Variants in LTBP4 observed in about 807,000 individuals in gnomAD.
LTBP4 encodes the protein latent-transforming growth factor beta-binding protein 4.
LTBP4 carries 93 observed loss-of-function variants against 180.2 expected under a neutral mutation model. The observed-to-expected ratio is 0.52, with a 90% confidence interval of 0.44 to 0.61. The LOEUF (loss-of-function observed/expected upper bound fraction) is 0.61, where lower values mean the gene tolerates loss of function less well. Ranked by LOEUF, LTBP4 falls within the 20% of genes least tolerant of loss-of-function variation. The pLI is 0.00. For missense variants in LTBP4, 2,116 were observed against 2,256.5 expected (o/e 0.94, Z 1.26); for synonymous variants, 947 against 934.5 (o/e 1.01, Z -0.24).
At chr19:40,599,470 G>T (rs558525573), upstream of LTBP4, 2 of 1,613,776 alleles carry the variant, frequency 1.2e-6, no homozygotes, top group South Asian at 1.1e-5. Context: ...CAGGCCCCCA[G>T]CGGTGCCTGA....
At chr19:40,620,767 CA>C (rs57662483) in intron 22 of LTBP4, among the ~76,000 whole-genome samples, 21,603 of 100,330 alleles carry the variant, frequency 0.22, 1,122 homozygotes, top group South Asian at 0.33. Context: ...GACTCCGTCC[CA>C]AAAAAAAAAA....
At position 40,606,308 on chromosome 19, in the gene LTBP4, G is replaced by T. The variant is rs1168531173; in HGVS notation, c.868+1G>T. The T allele has an allele frequency of 6.2e-7, 1 of 1,601,608 alleles. No individual in the cohort carries two copies. On this transcript the variant is annotated splice_donor_variant, in intron 5 of 29. Transcript: ENST00000396819. LOFTEE classifies it high-confidence loss of function. ...GAAAGAGTTAATGGGTCCTGCGAAG[G>T]TGCAACGGGGCAGGGGTGGGAGGGG...
At chr19:40,597,190 G>A (rs1294545506), upstream of LTBP4, 56 of 1,410,946 alleles carry the variant, frequency 4.0e-5, no homozygotes, top group Non-Finnish European at 5.0e-5. Flanking sequence ...AGCCTGACCC[G>A]CTGGACAGAC....
In LTBP4 at chr19:40,613,236, G is replaced by A; in HGVS notation, c.2431+40G>A. 2.6e-6 allele frequency: 4 copies of A among 1,548,900 alleles called. No homozygotes were observed. The highest frequency in any genetic ancestry group is 2.6e-6 in the Non-Finnish European group (3 of 1,144,234). On this transcript the variant is annotated intron_variant, in intron 16 of 29. Coordinates refer to ENST00000396819, the MANE Select transcript of LTBP4 (RefSeq NM_001042545.2). This position sits in a 1 kb window ranked among gnomAD's most constrained non-coding sequence, Gnocchi z 5.0. ...GACCCGCCAGAGAGTCTGGGAGTAG[G>A]GCCTGGGTTCCAGGGCAAAGCCGGC...
At chr19:40,600,161 C>T (rs927231701), upstream of LTBP4, 1 of 1,255,120 alleles carries the variant, frequency 8.0e-7, no homozygotes, top group Non-Finnish European at 1.0e-6. The surrounding 1 kb of genome is among the most constrained non-coding windows in gnomAD (Gnocchi z 4.4). Context: ...AGCGTGCCCC[C>T]GCTGGCAAGG....
At position 40,622,451 on chromosome 19, in the gene LTBP4, G is replaced by A. The variant is rs372105249; in HGVS notation, c.3268G>A (p.Ala1090Thr). Reference sequence around the variant, plus strand: ...GGCACCTGCTAGCCCCGTTCTGCCCGCCAGGCCACCTCCGCCACCCCTGCC... The same window carrying A: ...GGCACCTGCTAGCCCCGTTCTGCCCACCAGGCCACCTCCGCCACCCCTGCC... ...PQAPASPVLPARPPPPPLPRR... is the reference protein window; with the variant it reads ...PQAPASPVLPTRPPPPPLPRR... Residue 1090 changes from alanine (A) to threonine (T), a missense_variant, in exon 23 of 30, where the codon GCC becomes ACC. By Grantham distance (58) the Ala-to-Thr change is moderately conservative. Coordinates refer to ENST00000396819, the MANE Select transcript of LTBP4 (RefSeq NM_001042545.2). This position sits in a 1 kb window ranked among gnomAD's most constrained non-coding sequence, Gnocchi z 5.1. The A allele has an allele frequency of 1.5e-4, 246 of 1,596,794 alleles. No individual in the cohort carries two copies. Among genetic ancestry groups the A allele is most frequent in the Non-Finnish European group, 1.8e-4 (214 of 1,170,530 alleles).
At chr19:40,628,034 C>A (rs922621048) in intron 29 of LTBP4, among the ~76,000 whole-genome samples, 177 bp downstream of exon 29, 2 of 152,186 alleles carry the variant, frequency 1.3e-5, no homozygotes, top group Non-Finnish European at 2.9e-5. Context: ...CTGAAGAAGG[C>A]GGAGTCAGGG....
chr19:40,615,104 C>G (rs1319222817), intron 19 of LTBP4, among the ~76,000 whole-genome samples: 5 of 151,260 alleles, frequency 3.3e-5, no homozygotes, highest in Non-Finnish European at 1.5e-5. Flanking sequence ...TTCCCTCCCG[C>G]CCCGCTCTTT....
Position 40,607,350 on chromosome 19 carries a change from C to T in LTBP4, c.992-15C>T, listed in dbSNP as rs374059113. 1 of 1,569,724 alleles carries T rather than the reference C, an allele frequency of 6.4e-7. No homozygotes were observed. The highest frequency in any genetic ancestry group is 8.7e-7 in the Non-Finnish European group (1 of 1,152,594). On this transcript the variant is annotated splice_polypyrimidine_tract_variant and intron_variant, in intron 6 of 29. Transcript: ENST00000396819. ...CCAGCCCCGCCCTGAAGGATTTCCT[C>T]CCTGCTCCTCGCAGCCCAACACGTG... is the stretch of plus-strand genomic sequence containing the variant.
At chr19:40,628,304 G>T (rs970178725) in intron 29 of LTBP4, among the ~76,000 whole-genome samples, 3 of 152,212 alleles carry the variant, frequency 2.0e-5, no homozygotes, top group Non-Finnish European at 4.4e-5. Context: ...ACTTTGGGAG[G>T]CCGAGGCGGG....
At position 40,627,447 on chromosome 19, in the gene LTBP4, G is replaced by A. The variant is rs1032557540; in HGVS notation, c.4366+92G>A. On this transcript the variant is annotated intron_variant, in intron 28 of 29. Coordinates refer to ENST00000396819, the MANE Select transcript of LTBP4 (RefSeq NM_001042545.2). ...GGAAACAGAAGGCGGGAGGAGAGACGGAACACAGGTGCAACTGGAGAGAGC... is the reference window on the plus strand; with the variant it reads ...GGAAACAGAAGGCGGGAGGAGAGACAGAACACAGGTGCAACTGGAGAGAGC... 7.1e-6 allele frequency: 10 copies of A among 1,411,120 alleles called. No individual in the cohort carries two copies. The African/African-American group carries it at 1.2e-4, about 16-fold the overall frequency. The allele number at this position is 1,411,120 out of a possible 1,614,324, so 87.4% of individuals were successfully genotyped here.
chr19:40,604,456 G>A (rs2081444738), intron 1 of LTBP4, among the ~76,000 whole-genome samples: 1 of 152,178 alleles, frequency 6.6e-6, no homozygotes, highest in South Asian at 2.1e-4. Context: ...GGTTCCGTCG[G>A]ACTACGGAAT....
rs572892689 is a variant in LTBP4 at position 40,602,727 on chromosome 19, C to T, written c.250+1090C>T. 2.6e-5 allele frequency among the ~76,000 whole-genome samples: 4 copies of T among 152,320 alleles called. No individual in the cohort carries two copies. The East Asian group carries it at 7.7e-4, about 29-fold the overall frequency. On this transcript the variant is annotated intron_variant, in intron 1 of 29. Coordinates refer to ENST00000396819, the MANE Select transcript of LTBP4 (RefSeq NM_001042545.2). ...CTCAAAGGGACCCCTATGTCCTCAA[C>T]TCCCCGCTTGGCCAGGGCTGTGGGG...
At position 40,605,573 on chromosome 19, in the gene LTBP4, C is replaced by T. The variant is rs1287077723; in HGVS notation, c.611C>T (p.Ala204Val). 4 of 1,604,312 alleles carry T rather than the reference C, an allele frequency of 2.5e-6. No homozygotes were observed. The highest frequency in any genetic ancestry group is 3.4e-6 in the Non-Finnish European group (4 of 1,176,088). ...GCGGCAGCGCCCTACACGGTGTTGG[C>T]ACAGAGCGCGCCGCGGGAGGACGGC... ...AEAAAPYTVLAQSAPREDGYS... is the reference protein window; with the variant it reads ...AEAAAPYTVLVQSAPREDGYS... The change falls in exon 3 of 30, where the codon GCA becomes GTA. Residue 204 changes from alanine (A) to valine (V), a missense_variant. This residue lies in a region of LTBP4 where 469 missense variants were observed against 532.5 expected (regional missense o/e 0.88). Transcript: ENST00000396819. The surrounding 1 kb of genome is among the most constrained non-coding windows in gnomAD (Gnocchi z 5.5).
At chr19:40,600,233 AG>A (rs1002700157), upstream of LTBP4, 29 of 1,072,600 alleles carry the variant, frequency 2.7e-5, no homozygotes, top group East Asian at 5.8e-4. The surrounding 1 kb of genome is among the most constrained non-coding windows in gnomAD (Gnocchi z 4.4). Context: ...GGCCAGATAA[AG>A]CCGTCTGGTT....
chr19:40,613,651 A>C lies in LTBP4; in HGVS notation c.2557+122A>C. On this transcript the variant is annotated intron_variant, in intron 17 of 29. Transcript: ENST00000396819. This position sits in a 1 kb window ranked among gnomAD's most constrained non-coding sequence, Gnocchi z 5.0. ...TTAGCCGGGGTATTCCAGCAGGATC[A>C]GGGGGCAGCTGGTGGGAGTCTCGAG... The C allele has an allele frequency of 7.0e-7, 1 of 1,437,590 alleles. No individual in the cohort carries two copies. Among genetic ancestry groups the C allele is most frequent in the Admixed American group, 2.0e-5 (1 of 50,428 alleles). The allele number at this position is 1,437,590 out of a possible 1,614,324, so 89.1% of individuals were successfully genotyped here. A position where few individuals can be genotyped will look rare whatever the true frequency, so the allele number is the denominator to read the frequency against.
intron 26 of LTBP4, among the ~76,000 whole-genome samples, chr19:40,625,316 A>ATATATTTT (rs1568414647): frequency 1.4e-4 from 3 of 21,938 alleles, no homozygotes; most frequent in Non-Finnish European, 2.4e-4. Flanking sequence ...ATATATATAT[A>ATATATTTT]TTTTTTTTTT....
chr19:40,607,659 C>G lies in LTBP4; in HGVS notation c.1156+130C>G. 2.9e-6 allele frequency: 3 copies of G among 1,018,600 alleles called. No individual in the cohort carries two copies. In the South Asian group the frequency reaches 5.0e-5, roughly 17 times the overall value. The allele number at this position is 1,018,600 out of a possible 1,614,324, so 63.1% of individuals were successfully genotyped here. ...GCTCCAGCCTTGGCCACGCAGCAGC[C>G]TCTGAGACCCGCAGGCCTCAGACTG... On this transcript the variant is annotated intron_variant, in intron 7 of 29. Coordinates refer to ENST00000396819, the MANE Select transcript of LTBP4 (RefSeq NM_001042545.2).
chr19:40,615,126 G>T (rs2081538006), intron 19 of LTBP4, among the ~76,000 whole-genome samples: 1 of 149,378 alleles, frequency 6.7e-6, no homozygotes, highest in Non-Finnish European at 1.5e-5. Flanking sequence ...ACCCCTCCCG[G>T]GTCAGGCTCC....
Sources: gnomAD v4.1 joint callset for allele counts (sites outside exome capture counted in the v4.1 genomes callset) on GRCh38, gnomAD v4.1.1 for gene constraint, gnomAD v4.1.1 regional missense constraint, Gnocchi (gnomAD v3.1) non-coding constraint, MANE v1.5 for transcripts, NCBI Gene and HGNC (gene_info 2026-07-23, HGNC 2026-07-21) for gene names.